The following SUSD6 variants were observed in gnomAD, a reference collection of about 807,000 sequenced individuals.
SUSD6 encodes the protein sushi domain-containing protein 6.
SUSD6 carries 16 observed loss-of-function variants against 28.4 expected under a neutral mutation model. The ratio of observed to expected loss-of-function variants is 0.56; its 90% CI spans 0.38 to 0.86. The LOEUF (loss-of-function observed/expected upper bound fraction) is 0.86, where lower values mean the gene tolerates loss of function less well. Among genes scored for constraint, SUSD6 ranks in the 40% least tolerant of loss-of-function variants. SUSD6 has a pLI of 0.00. For missense variants in SUSD6, 341 were observed against 384.2 expected (o/e 0.89, Z 0.94); for synonymous variants, 147 against 159.6 (o/e 0.92, Z 0.59).
At chr14:69,615,733 T>G (rs1884950354) in intron 1 of SUSD6, 1 of 152,244 alleles carries the variant, frequency 6.6e-6, no homozygotes, top group African/African-American at 2.4e-5. Context: ...AGTGCAGCAG[T>G]GAGAACTGAA....
intron 1 of SUSD6, among the ~76,000 whole-genome samples, chr14:69,647,284 C>T (rs1309587845): frequency 6.6e-6 from 1 of 152,026 alleles, no homozygotes; most frequent in Non-Finnish European, 1.5e-5. Context: ...AAGGATTAGT[C>T]ATTATTAGAA....
At chr14:69,704,582 T>C in intron 3 of SUSD6, 22 bp from the exon 4 acceptor site, 3 of 1,604,598 alleles carry the variant, frequency 1.9e-6, no homozygotes, top group Non-Finnish European at 1.7e-6. Context: ...AAAACCCTTC[T>C]GATGATGGCT....
At chr14:69,659,784 G>A (rs974770570) in intron 2 of SUSD6, among the ~76,000 whole-genome samples, 13 of 152,210 alleles carry the variant, frequency 8.5e-5, no homozygotes, top group African/African-American at 3.1e-4. Context: ...CTCCCAAAAT[G>A]TTGGGATTAC....
At chr14:69,613,162 C>T (rs150584505) in intron 1 of SUSD6, among the ~76,000 whole-genome samples, 133 of 152,316 alleles carry the variant, frequency 8.7e-4, no homozygotes, top group Middle Eastern at 3.4e-3. Flanking sequence ...TGAGGACTTA[C>T]TGAGTACCAA....
At chr14:69,706,734 A>T (rs1886392641) in intron 4 of SUSD6, among the ~76,000 whole-genome samples, 1 of 152,170 alleles carries the variant, frequency 6.6e-6, no homozygotes, top group East Asian at 1.9e-4. Context: ...TGCTCCCATC[A>T]AACTTTCCCT....
intron 1 of SUSD6, among the ~76,000 whole-genome samples, chr14:69,649,445 T>C (rs553812352): frequency 6.6e-6 from 1 of 152,366 alleles, no homozygotes; most frequent in South Asian, 2.1e-4. Context: ...CCAATTACAG[T>C]CGCCTCTGCC....
At chr14:69,613,577 T>G (rs985472592) in intron 1 of SUSD6, among the ~76,000 whole-genome samples, 12 of 152,256 alleles carry the variant, frequency 7.9e-5, no homozygotes, top group African/African-American at 2.7e-4. Flanking sequence ...TGCTAGGTAT[T>G]GCAGGTACTG....
At chr14:69,629,731 G>A (rs1178279854) in intron 1 of SUSD6, among the ~76,000 whole-genome samples, 1 of 152,186 alleles carries the variant, frequency 6.6e-6, no homozygotes, top group African/African-American at 2.4e-5. Context: ...GTGAGGCTGG[G>A]GTTGCTGTGT....
intron 1 of SUSD6, among the ~76,000 whole-genome samples, chr14:69,612,567 A>T (rs1884896352): frequency 6.6e-6 from 1 of 152,090 alleles, no homozygotes; most frequent in Admixed American, 6.5e-5. Flanking sequence ...ACCCTGGACG[A>T]ATTTAGGAGC....
At chr14:69,641,865 A>G (rs907185102) in intron 1 of SUSD6, among the ~76,000 whole-genome samples, 23 of 152,018 alleles carry the variant, frequency 1.5e-4, no homozygotes, top group African/African-American at 5.3e-4. Flanking sequence ...TTGGCCTCCC[A>G]AAGTGCTGGG....
At chr14:69,653,621 AT>A (rs373853179) in intron 1 of SUSD6, among the ~76,000 whole-genome samples, 1 of 151,740 alleles carries the variant, frequency 6.6e-6, no homozygotes, top group Non-Finnish European at 1.5e-5. Flanking sequence ...TTCAGTGATA[AT>A]TTTTTTTAAT....
intron 2 of SUSD6, among the ~76,000 whole-genome samples, chr14:69,693,972 T>C (rs114946619): frequency 2.0e-4 from 30 of 152,368 alleles, no homozygotes; most frequent in African/African-American, 7.2e-4. Context: ...TCAAAAATCA[T>C]TGTGGCTCAT....
intron 2 of SUSD6, among the ~76,000 whole-genome samples, chr14:69,660,211 C>T (rs1345761029): frequency 6.6e-6 from 1 of 152,222 alleles, no homozygotes; most frequent in Non-Finnish European, 1.5e-5. Flanking sequence ...CCACCACCCA[C>T]TTATCCAACA....
intron 4 of SUSD6, among the ~76,000 whole-genome samples, chr14:69,706,994 G>A (rs1235087381): frequency 6.6e-6 from 1 of 151,214 alleles, no homozygotes; most frequent in African/African-American, 2.4e-5. Flanking sequence ...CTTTGAGACA[G>A]CTGGCCTGGA....
intron 2 of SUSD6, among the ~76,000 whole-genome samples, chr14:69,678,891 T>A (rs1885957065): frequency 6.6e-6 from 1 of 152,218 alleles, no homozygotes; most frequent in Non-Finnish European, 1.5e-5. Flanking sequence ...CCTAAGCATG[T>A]GTGCAGAATT....
chr14:69,653,360 T>A (rs571177399), intron 1 of SUSD6, among the ~76,000 whole-genome samples: 42 of 152,278 alleles, frequency 2.8e-4, no homozygotes, highest in African/African-American at 9.9e-4. Flanking sequence ...GAAAGCCGGC[T>A]ATTGGGGTAA....
At chr14:69,675,789 GT>G (rs1459487755) in intron 2 of SUSD6, among the ~76,000 whole-genome samples, 1 of 152,076 alleles carries the variant, frequency 6.6e-6, no homozygotes, top group African/African-American at 2.4e-5. Flanking sequence ...GTTTATTATT[GT>G]TATTATTTTT....
At chr14:69,682,947 C>CTTTTTT (rs5809442) in intron 2 of SUSD6, among the ~76,000 whole-genome samples, 1 of 62,668 alleles carries the variant, frequency 1.6e-5, no homozygotes, top group Non-Finnish European at 3.4e-5. Context: ...TCCAAGAAGC[C>CTTTTTT]TTTTTTTTTT....
chr14:69,612,258 G>T (rs1022396301), intron 1 of SUSD6, among the ~76,000 whole-genome samples: 1 of 152,192 alleles, frequency 6.6e-6, no homozygotes, highest in Non-Finnish European at 1.5e-5. Flanking sequence ...CAAAGCTGCG[G>T]GGCTTGCGCT....
Sources: allele counts gnomAD v4.1 joint callset (sites outside exome capture counted in the v4.1 genomes callset), GRCh38; gene constraint gnomAD v4.1.1; transcripts MANE v1.5; gene names NCBI Gene and HGNC (gene_info 2026-07-23, HGNC 2026-07-21).